URM1: variants seen among roughly 807,000 people sequenced by gnomAD.
URM1 encodes the protein ubiquitin related modifier 1.
URM1 carries 11 observed loss-of-function variants against 17.7 expected under a neutral mutation model. The observed-to-expected ratio is 0.62, with a 90% confidence interval of 0.39 to 1.03. URM1 has a LOEUF of 1.03. URM1 is among the 50% of genes least tolerant of loss of function. The pLI, the probability that URM1 is intolerant of heterozygous loss-of-function variation, is 0.00. For missense variants in URM1, 128 were observed against 129.2 expected (o/e 0.99, Z 0.04); for synonymous variants, 48 against 50.6 (o/e 0.95, Z 0.22).
At chr9:128,372,407 C>T (rs993939341) in intron 1 of URM1, among the ~76,000 whole-genome samples, 1 of 152,032 alleles carries the variant, frequency 6.6e-6, no homozygotes, top group Non-Finnish European at 1.5e-5. Context: ...CATTGGATGC[C>T]TCCCATTTCT....
At position 128,387,408 on chromosome 9, in the gene URM1, TA is replaced by T. The variant is rs1833242419; in HGVS notation, c.107-405del. 6.6e-6 allele frequency among the ~76,000 whole-genome samples: 1 copy of T among 152,180 alleles called. No individual in the cohort carries two copies. The highest frequency in any genetic ancestry group is 2.1e-4 in the South Asian group (1 of 4,830). On this transcript the variant is annotated intron_variant, in intron 2 of 4. Coordinates refer to ENST00000372853, the MANE Select transcript of URM1 (RefSeq NM_030914.4). The surrounding 1 kb of genome is among the most constrained non-coding windows in gnomAD (Gnocchi z 4.3). ...CCCCATCTGCGACTGGCTGGAGAGA[TA>T]AAGGTGGAGGGGGCTCTTCAAGGTC...
At chr9:128,389,574 C>A in intron 4 of URM1, 92 bp from the exon 5 acceptor site, 1 of 1,581,588 alleles carries the variant, frequency 6.3e-7, no homozygotes, top group Admixed American at 1.8e-5. Context: ...TCTTCCAGAG[C>A]AGCCAGTCCT....
chr9:128,377,172 G>A (rs1051885899), intron 1 of URM1, among the ~76,000 whole-genome samples: 2 of 151,946 alleles, frequency 1.3e-5, no homozygotes, highest in Non-Finnish European at 2.9e-5. Flanking sequence ...ACACCTAGCC[G>A]GTACTTGATT....
intron 1 of URM1, among the ~76,000 whole-genome samples, chr9:128,373,225 C>T (rs1833035374): frequency 7.0e-6 from 1 of 143,718 alleles, no homozygotes; most frequent in Non-Finnish European, 1.5e-5. Flanking sequence ...CACAGCACAG[C>T]GTTCCATGAA....
chr9:128,372,962 A>C (rs1266081875), intron 1 of URM1, among the ~76,000 whole-genome samples: 1 of 151,738 alleles, frequency 6.6e-6, no homozygotes. Context: ...TTTCATCCTC[A>C]TGAGTCAGAC....
At chr9:128,375,254 C>A (rs1588578050) in intron 1 of URM1, among the ~76,000 whole-genome samples, 1 of 152,232 alleles carries the variant, frequency 6.6e-6, no homozygotes, top group Admixed American at 6.5e-5. Context: ...TGGACTCTCT[C>A]AGCCTCCAGC....
Position 128,376,495 on chromosome 9 carries a change from T to TAA in URM1, c.36-1533_36-1532dup, listed in dbSNP as rs199669936. ...CACAATGGTGAAACCCTGTCTCTAT[T>TAA]AAAAAAAAATACAAAAATTAGCCAG... is the stretch of plus-strand genomic sequence containing the variant. On this transcript the variant is annotated intron_variant, in intron 1 of 4. Transcript: ENST00000372853. 4.7e-5 allele frequency among the ~76,000 whole-genome samples: 7 copies of TAA among 148,288 alleles called. No homozygotes were observed. The South Asian group carries it at 1.5e-3, about 32-fold the overall frequency.
intron 3 of URM1, 140 bp from the exon 4 acceptor site, chr9:128,389,121 C>A: frequency 6.8e-7 from 1 of 1,464,758 alleles, no homozygotes; most frequent in Non-Finnish European, 9.0e-7. Flanking sequence ...GCCTCCCCTT[C>A]CTGGGATATC....
At chr9:128,378,770 A>G (rs1025555904) in intron 2 of URM1, among the ~76,000 whole-genome samples, 3 of 150,594 alleles carry the variant, frequency 2.0e-5, no homozygotes, top group African/African-American at 7.3e-5. Flanking sequence ...ACATGGCGAA[A>G]TCCCATCTCT....
chr9:128,386,286 A>G (rs936919282), intron 2 of URM1, among the ~76,000 whole-genome samples: 2 of 152,192 alleles, frequency 1.3e-5, no homozygotes, highest in Admixed American at 1.3e-4. Context: ...ATGGAGGCCA[A>G]GGGGATTCAG....
In URM1 at chr9:128,379,723, C is replaced by CT. The variant is rs545819872; in HGVS notation, c.106+1618dup. ...GCTGAGGCACGAGAATTGCTTAAAC[C>CT]TAAAGGGGCGGAGGTTGCAGTGAGC... On this transcript the variant is annotated intron_variant, in intron 2 of 4. Transcript: ENST00000372853. Among the ~76,000 whole-genome samples the CT allele has an allele frequency of 3.7e-3, 569 of 152,002 alleles. 6 individuals are homozygous for CT. The highest frequency in any genetic ancestry group is 5.6e-3 in the Non-Finnish European group (381 of 67,990).
intron 2 of URM1, among the ~76,000 whole-genome samples, chr9:128,383,063 A>G (rs1833180560): frequency 6.6e-6 from 1 of 152,066 alleles, no homozygotes; most frequent in Non-Finnish European, 1.5e-5. Context: ...CAGGAGCTGC[A>G]GGAGCTCCTG....
chr9:128,388,413 A>C, intron 3 of URM1: 1 of 986,266 alleles, frequency 1.0e-6, no homozygotes. Context: ...ACCCCATAGA[A>C]GCCCAGTGCA....
At chr9:128,382,298 G>C (rs1187304170) in intron 2 of URM1, among the ~76,000 whole-genome samples, 1 of 152,138 alleles carries the variant, frequency 6.6e-6, no homozygotes, top group Non-Finnish European at 1.5e-5. Flanking sequence ...CTGGTTAGCA[G>C]CTGCCAGGCC....
At chr9:128,375,332 A>C (rs1378995759) in intron 1 of URM1, among the ~76,000 whole-genome samples, 1 of 152,196 alleles carries the variant, frequency 6.6e-6, no homozygotes, top group Non-Finnish European at 1.5e-5. Flanking sequence ...TCATCTGGCC[A>C]GAGGAAACCC....
chr9:128,377,942 A>G (rs1472220086), intron 1 of URM1, 94 bp from the exon 2 acceptor site: 5 of 1,363,510 alleles, frequency 3.7e-6, no homozygotes, highest in Non-Finnish European at 5.2e-6. Flanking sequence ...CTCGGCCTTC[A>G]TTACCAGCCC....
chr9:128,373,247 T>C (rs1008742140), intron 1 of URM1, among the ~76,000 whole-genome samples: 1 of 130,578 alleles, frequency 7.7e-6, no homozygotes, highest in African/African-American at 2.8e-5. Flanking sequence ...ATTGCAGCAT[T>C]CTCAGGAATG....
At chr9:128,378,814 G>A (rs1339941533) in intron 2 of URM1, among the ~76,000 whole-genome samples, 1 of 151,592 alleles carries the variant, frequency 6.6e-6, no homozygotes, top group Non-Finnish European at 1.5e-5. Context: ...ACGCATAGCG[G>A]TGCGCGCTTG....
At chr9:128,388,584 C>T in intron 3 of URM1, 1 of 986,096 alleles carries the variant, frequency 1.0e-6, no homozygotes. Context: ...AGGGGATCAG[C>T]CCTCCTTCAG....
Sources: allele counts gnomAD v4.1 joint callset (sites outside exome capture counted in the v4.1 genomes callset), GRCh38; gene constraint gnomAD v4.1.1; non-coding constraint Gnocchi (gnomAD v3.1); transcripts MANE v1.5; gene names NCBI Gene and HGNC (gene_info 2026-07-23, HGNC 2026-07-21).